SELENOF: variants seen among roughly 807,000 people sequenced by gnomAD.
SELENOF encodes selenoprotein F, also known as 15 kDa selenoprotein.
SELENOF carries 16 observed loss-of-function variants against 20.5 expected under a neutral mutation model. That is an observed-to-expected ratio of 0.78 (90% CI 0.53 to 1.19). The LOEUF is 1.19. Ranked by LOEUF, SELENOF falls within the 50% of genes most tolerant of loss-of-function variation. The pLI is 0.00. For missense variants in SELENOF, 215 were observed against 194.2 expected (o/e 1.11, Z -0.64); for synonymous variants, 78 against 74.5 (o/e 1.05, Z -0.24).
chr1:86,905,139 G>T (rs1423815614), intron 1 of SELENOF, among the ~76,000 whole-genome samples: 2 of 151,916 alleles, frequency 1.3e-5, no homozygotes, highest in Non-Finnish European at 2.9e-5. Flanking sequence ...TAGTTGCCCA[G>T]ATCAGTCATC....
intron 3 of SELENOF, among the ~76,000 whole-genome samples, chr1:86,873,617 G>A (rs566627121): frequency 3.3e-5 from 5 of 152,138 alleles, no homozygotes; most frequent in Non-Finnish European, 7.4e-5. Context: ...TTGGGAGGCT[G>A]AGGCAGGCAG....
chr1:86,874,454 A>G (rs954741495), intron 3 of SELENOF, among the ~76,000 whole-genome samples: 1 of 152,244 alleles, frequency 6.6e-6, no homozygotes, highest in South Asian at 2.1e-4. Context: ...TTAGCAAGTC[A>G]TTCATGCTGC....
In SELENOF at chr1:86,898,628, T is replaced by A. The variant is rs182389887; in HGVS notation, c.252+4653A>T. 3.8e-3 allele frequency among the ~76,000 whole-genome samples: 568 copies of A among 150,116 alleles called. 3 individuals are homozygous for A. Among genetic ancestry groups the A allele is most frequent in the African/African-American group, 0.013 (539 of 40,820 alleles). ...ACAGAATCTTGCTCTGTCGCCCAGGTTGGAGTGCAGTGGTGCGATCTCGGC... is the reference window on the plus strand; with the variant it reads ...ACAGAATCTTGCTCTGTCGCCCAGGATGGAGTGCAGTGGTGCGATCTCGGC... On this transcript the variant is annotated intron_variant, in intron 2 of 4. Transcript: ENST00000331835.
chr1:86,879,191 T>A (rs1445779392), intron 3 of SELENOF, among the ~76,000 whole-genome samples: 1 of 152,106 alleles, frequency 6.6e-6, no homozygotes, highest in Non-Finnish European at 1.5e-5. Context: ...CAGCTAAAAA[T>A]CAATTGCTAA....
In SELENOF at chr1:86,899,387, C is replaced by T. The variant is rs1270158160; in HGVS notation, c.252+3894G>A. On this transcript the variant is annotated intron_variant, in intron 2 of 4. Transcript: ENST00000331835. ...CCGGGCAGAGGCGCCCCTCACCTCCCGGACGGGACGGCTGGCCGGGCAGGG... is the reference window on the plus strand; with the variant it reads ...CCGGGCAGAGGCGCCCCTCACCTCCTGGACGGGACGGCTGGCCGGGCAGGG... Among the ~76,000 whole-genome samples, 67 of 130,900 alleles carry T rather than the reference C, an allele frequency of 5.1e-4. 11 individuals carry two copies. The highest frequency in any genetic ancestry group is 2.1e-3 in the African/African-American group (61 of 29,076). The allele number at this position is 130,900 out of a possible 152,430, so 85.9% of individuals were successfully genotyped here.
chr1:86,869,832 T>C (rs1324034292), intron 3 of SELENOF, among the ~76,000 whole-genome samples: 1 of 151,994 alleles, frequency 6.6e-6, no homozygotes, highest in East Asian at 1.9e-4. Flanking sequence ...TGGAGTGCAG[T>C]GGCGCAATCT....
intron 2 of SELENOF, among the ~76,000 whole-genome samples, chr1:86,898,071 T>C (rs923963170): frequency 2.6e-5 from 4 of 152,216 alleles, no homozygotes; most frequent in Non-Finnish European, 5.9e-5. Context: ...TACTAAAATT[T>C]AAGTACGTTT....
intron 1 of SELENOF, among the ~76,000 whole-genome samples, chr1:86,909,988 C>CA (rs1018486989): frequency 2.0e-5 from 3 of 150,268 alleles, no homozygotes; most frequent in Non-Finnish European, 4.4e-5. Flanking sequence ...GACTTCGTCT[C>CA]AAAAAAAAAG....
chr1:86,913,777 G>A (rs951966323), intron 1 of SELENOF: 7 of 493,370 alleles, frequency 1.4e-5, no homozygotes, highest in Non-Finnish European at 2.2e-5. Context: ...ATTGTTTTTA[G>A]CAAGAGCCGT....
rs191061296 is a variant in SELENOF at position 86,905,201 on chromosome 1, T to C, written c.85-1753A>G. On this transcript the variant is annotated intron_variant, in intron 1 of 4. Transcript: ENST00000331835. The stretch of plus-strand genomic sequence containing the variant: ...ACCATTCTCACAACCAATTAATATA[T>C]TTTTATAATTCTCTTAAAAAGCTCT... Among the ~76,000 whole-genome samples the C allele has an allele frequency of 3.8e-3, 585 of 152,296 alleles. 7 individuals are homozygous for C. The highest frequency in any genetic ancestry group is 3.1e-3 in the Non-Finnish European group (209 of 68,028).
chr1:86,868,940 A>T (rs1570371807), intron 3 of SELENOF, among the ~76,000 whole-genome samples: 1 of 152,238 alleles, frequency 6.6e-6, no homozygotes, highest in African/African-American at 2.4e-5. Flanking sequence ...ACAAATAATT[A>T]AGAAAAAACA....
intron 4 of SELENOF, among the ~76,000 whole-genome samples, chr1:86,865,709 T>C (rs1350570898): frequency 6.6e-6 from 1 of 152,164 alleles, no homozygotes; most frequent in Non-Finnish European, 1.5e-5. Flanking sequence ...GAAAACAGTA[T>C]AGAGGTTCCT....
chr1:86,890,322 C>CAGAA (rs1317336143), intron 2 of SELENOF, among the ~76,000 whole-genome samples: 1 of 152,104 alleles, frequency 6.6e-6, no homozygotes, highest in Non-Finnish European at 1.5e-5. Flanking sequence ...GTTATGCCCT[C>CAGAA]CTTCTAAGAG....
intron 3 of SELENOF, among the ~76,000 whole-genome samples, chr1:86,878,052 T>C (rs1290405229): frequency 6.6e-6 from 1 of 152,126 alleles, no homozygotes. Context: ...GACAGAATAC[T>C]AGACAAAATC....
intron 2 of SELENOF, among the ~76,000 whole-genome samples, chr1:86,889,394 G>C (rs994396967): frequency 6.6e-6 from 1 of 152,144 alleles, no homozygotes; most frequent in Non-Finnish European, 1.5e-5. Flanking sequence ...AGGAGTTCAA[G>C]ACAAGCCTGG....
chr1:86,910,482 G>C (rs1659951207), intron 1 of SELENOF, among the ~76,000 whole-genome samples: 1 of 151,852 alleles, frequency 6.6e-6, no homozygotes. Context: ...GAGGCAGGCA[G>C]ATCATGAGGT....
rs113705690 is a variant in SELENOF at position 86,900,393 on chromosome 1, C to T, written c.252+2888G>A. Reference sequence around the variant, plus strand: ...TCGCGGTTAGGAGCTGGAGACCAGCCCGGCCAACACAGCGAAACCCCGTCT... The same window carrying T: ...TCGCGGTTAGGAGCTGGAGACCAGCTCGGCCAACACAGCGAAACCCCGTCT... On this transcript the variant is annotated intron_variant, in intron 2 of 4. Transcript: ENST00000331835. 2.0e-3 allele frequency among the ~76,000 whole-genome samples: 302 copies of T among 152,142 alleles called. 1 individual carries two copies. Among genetic ancestry groups the T allele is most frequent in the Non-Finnish European group, 3.9e-3 (263 of 68,016 alleles).
intron 2 of SELENOF, among the ~76,000 whole-genome samples, chr1:86,886,372 C>T (rs1425825186): frequency 1.3e-5 from 2 of 151,350 alleles, no homozygotes; most frequent in Non-Finnish European, 2.9e-5. Context: ...AACAGATTAA[C>T]TGCATTAATC....
At chr1:86,875,610 G>A (rs1293744072) in intron 3 of SELENOF, among the ~76,000 whole-genome samples, 1 of 152,122 alleles carries the variant, frequency 6.6e-6, no homozygotes, top group Non-Finnish European at 1.5e-5. Context: ...AATACCAGGT[G>A]CAATGTTACA....
Sources: gnomAD v4.1 joint callset for allele counts (sites outside exome capture counted in the v4.1 genomes callset) on GRCh38, gnomAD v4.1.1 for gene constraint, MANE v1.5 for transcripts, NCBI Gene and HGNC (gene_info 2026-07-23, HGNC 2026-07-21) for gene names.